Variants in MISFA observed in about 807,000 individuals in gnomAD.
MISFA encodes mitochondrial sheath formation associated.
At chr11:18,609,772 C>T in the MISFA span, 2 of 1,188,820 alleles carry the variant, frequency 1.7e-6, no homozygotes, top group Middle Eastern at 4.0e-4. Context: ...AAGTATAAAT[C>T]TAAAATGATA....
chr11:18,603,936 T>TC, the MISFA span: 1 of 363,816 alleles, frequency 2.7e-6, no homozygotes, highest in Non-Finnish European at 4.7e-6. Context: ...TTTTTTTTTT[T>TC]TTTTTTTTGA....
chr11:18,604,087 T>C, the MISFA span, among the ~76,000 whole-genome samples: 3 of 151,776 alleles, frequency 2.0e-5, no homozygotes, highest in South Asian at 2.1e-4. Context: ...CCACCACGCC[T>C]GGCTATTTTT....
chr11:18,600,933 C>T, the MISFA span, among the ~76,000 whole-genome samples: 14 of 152,106 alleles, frequency 9.2e-5, no homozygotes, highest in South Asian at 2.1e-4. Context: ...ATTTGACTTG[C>T]GGATTGCAGG....
the MISFA span, chr11:18,609,426 G>A: frequency 6.2e-6 from 1 of 161,102 alleles, no homozygotes; most frequent in Non-Finnish European, 1.4e-5. Flanking sequence ...GGAAGGTCCA[G>A]GTTTCTCATA....
the MISFA span, chr11:18,608,056 A>G: frequency 6.6e-6 from 1 of 152,630 alleles, no homozygotes; most frequent in Admixed American, 6.5e-5. Flanking sequence ...CAGCAGAGGA[A>G]TTGATGTTCT....
chr11:18,604,498 A>C, the MISFA span, among the ~76,000 whole-genome samples: 1 of 151,968 alleles, frequency 6.6e-6, no homozygotes, highest in Non-Finnish European at 1.5e-5. Context: ...TCTACTAAAA[A>C]TACAAAAAAT....
At chr11:18,605,835 G>A in the MISFA span, among the ~76,000 whole-genome samples, 4 of 151,974 alleles carry the variant, frequency 2.6e-5, no homozygotes, top group South Asian at 2.1e-4. Context: ...GGATTACAAC[G>A]CACGCCACAT....
the MISFA span, among the ~76,000 whole-genome samples, chr11:18,604,297 A>G: frequency 6.6e-6 from 1 of 152,046 alleles, no homozygotes; most frequent in Non-Finnish European, 1.5e-5. Context: ...GAGGGTGGGG[A>G]AGTAGTTGAG....
At chr11:18,603,306 T>C in the MISFA span, 5 of 397,398 alleles carry the variant, frequency 1.3e-5, no homozygotes, top group South Asian at 4.2e-4. Context: ...ACAAATACTT[T>C]TATTATTTTT....
the MISFA span, among the ~76,000 whole-genome samples, chr11:18,604,116 C>A: frequency 1.3e-5 from 2 of 151,458 alleles, no homozygotes. Flanking sequence ...TTAGTAGAGA[C>A]GGGGTTTCAC....
At chr11:18,600,389 A>G in the MISFA span, among the ~76,000 whole-genome samples, 2 of 148,504 alleles carry the variant, frequency 1.3e-5, no homozygotes, top group African/African-American at 5.0e-5. Context: ...TTTTAGTAGA[A>G]ACAGGGTTTC....
the MISFA span, among the ~76,000 whole-genome samples, chr11:18,605,713 GAC>G: frequency 6.6e-6 from 1 of 151,768 alleles, no homozygotes; most frequent in African/African-American, 2.4e-5. Flanking sequence ...TTTTTTTTGA[GAC>G]AGTCTCGTTC....
chr11:18,600,343 A>T, the MISFA span, among the ~76,000 whole-genome samples: 1 of 151,064 alleles, frequency 6.6e-6, no homozygotes, highest in African/African-American at 2.4e-5. Flanking sequence ...AGCTGGGATT[A>T]CAGGCATGCA....
At chr11:18,604,162 A>G in the MISFA span, among the ~76,000 whole-genome samples, 9 of 151,724 alleles carry the variant, frequency 5.9e-5, no homozygotes, top group East Asian at 1.2e-3. Context: ...TCCTGACCTC[A>G]TGATCTGCCC....
chr11:18,600,477 AC>A, the MISFA span, among the ~76,000 whole-genome samples: 2 of 145,330 alleles, frequency 1.4e-5, no homozygotes, highest in Admixed American at 1.4e-4. Flanking sequence ...TGCTGGGATT[AC>A]AGGCATGAGC....
the MISFA span, chr11:18,608,699 T>C: frequency 1.3e-5 from 2 of 152,616 alleles, no homozygotes; most frequent in East Asian, 3.9e-4. Context: ...ATTAAGTCCA[T>C]ATTTATGACT....
chr11:18,605,228 A>G, the MISFA span, among the ~76,000 whole-genome samples: 1 of 149,160 alleles, frequency 6.7e-6, no homozygotes, highest in East Asian at 2.0e-4. Context: ...TGACAAAGCA[A>G]GACCTTGTCT....
chr11:18,603,654 G>A, the MISFA span: 2 of 397,564 alleles, frequency 5.0e-6, no homozygotes, highest in African/African-American at 4.1e-5. Context: ...GGCATTAGGT[G>A]AGACAGAATT....
the MISFA span, among the ~76,000 whole-genome samples, chr11:18,605,424 C>G: frequency 6.6e-5 from 10 of 152,076 alleles, no homozygotes; most frequent in Admixed American, 6.6e-4. Flanking sequence ...AAGAAGTATA[C>G]CTTTTCCAGC....
Sources: gnomAD v4.1 joint callset for allele counts (sites outside exome capture counted in the v4.1 genomes callset) on GRCh38, gnomAD v4.1.1 for gene constraint, MANE v1.5 for transcripts, NCBI Gene and HGNC (gene_info 2026-07-23, HGNC 2026-07-21) for gene names.